Variants in DISC1 observed in about 807,000 individuals in gnomAD.
The protein encoded by DISC1 is disrupted in schizophrenia 1 protein.
In DISC1, 57 loss-of-function variants were observed where a neutral mutation model predicts 84.5. The observed-to-expected ratio is 0.67, with a 90% confidence interval of 0.55 to 0.84. The LOEUF is 0.84. DISC1 is among the 40% of genes least tolerant of loss of function. DISC1 has a pLI of 0.00. For synonymous variants in DISC1, 411 were observed against 415.2 expected (o/e 0.99, Z 0.12); for missense variants, 1,000 against 1,057.8 (o/e 0.95, Z 0.76).
chr1:231,861,179 G>A (rs1427377630), intron 9 of DISC1, among the ~76,000 whole-genome samples: 3 of 152,174 alleles, frequency 2.0e-5, no homozygotes, highest in Non-Finnish European at 2.9e-5. Context: ...CCATCAGGGT[G>A]GGACTGGTTA....
At chr1:231,882,968 A>G (rs2086401999) in intron 9 of DISC1, among the ~76,000 whole-genome samples, 1 of 151,776 alleles carries the variant, frequency 6.6e-6, no homozygotes, top group Non-Finnish European at 1.5e-5. Flanking sequence ...GTTGGAGAGA[A>G]CACAAGCACA....
intron 9 of DISC1, among the ~76,000 whole-genome samples, chr1:231,953,098 C>T (rs1185250501): frequency 6.6e-6 from 1 of 152,152 alleles, no homozygotes; most frequent in Non-Finnish European, 1.5e-5. Flanking sequence ...AATGGTAGAG[C>T]TGCTTCACTG....
intron 1 of DISC1, among the ~76,000 whole-genome samples, chr1:231,632,940 G>T (rs949714402): frequency 3.9e-5 from 6 of 152,114 alleles, no homozygotes; most frequent in African/African-American, 1.2e-4. Context: ...GCATGGTGGC[G>T]TGTGCCTGTA....
At chr1:231,950,407 G>T (rs12137417) in intron 9 of DISC1, among the ~76,000 whole-genome samples, 4 of 151,924 alleles carry the variant, frequency 2.6e-5, no homozygotes. Context: ...AGTTATATGC[G>T]CCAGAAAGCA....
chr1:231,643,276 G>C (rs1307307915), intron 1 of DISC1, among the ~76,000 whole-genome samples: 1 of 152,176 alleles, frequency 6.6e-6, no homozygotes, highest in Non-Finnish European at 1.5e-5. Flanking sequence ...CCCAGCTTCA[G>C]ATATTCCTAT....
chr1:231,847,080 G>A (rs1041873736), intron 9 of DISC1, among the ~76,000 whole-genome samples: 1 of 152,074 alleles, frequency 6.6e-6, no homozygotes, highest in Non-Finnish European at 1.5e-5. Flanking sequence ...TGAGTGGCTT[G>A]GACAACAGAT....
chr1:231,713,766 T>C (rs28794192), intron 3 of DISC1, among the ~76,000 whole-genome samples: 1,489 of 143,828 alleles, frequency 0.01, 40 homozygotes, highest in African/African-American at 0.036. Flanking sequence ...ATATAGGAGA[T>C]ATATATATAG....
intron 1 of DISC1, among the ~76,000 whole-genome samples, chr1:231,692,653 TGTGCCTA>T (rs1398380515): frequency 2.6e-5 from 4 of 152,256 alleles, no homozygotes; most frequent in African/African-American, 4.8e-5. Context: ...TGATTACAGC[TGTGCCTA>T]GTGCTGCCTA....
intron 9 of DISC1, among the ~76,000 whole-genome samples, chr1:231,958,062 A>C (rs928479045): frequency 6.6e-6 from 1 of 152,156 alleles, no homozygotes; most frequent in African/African-American, 2.4e-5. Context: ...TCCAGCCACC[A>C]TTTGCTAGAA....
chr1:231,995,085 A>T (rs904902870), intron 10 of DISC1, among the ~76,000 whole-genome samples: 1 of 152,234 alleles, frequency 6.6e-6, no homozygotes, highest in Non-Finnish European at 1.5e-5. Flanking sequence ...AGTGGAAAAT[A>T]GTATTACTTT....
At chr1:231,988,600 C>G (rs550219761) in intron 10 of DISC1, among the ~76,000 whole-genome samples, 31 of 152,334 alleles carry the variant, frequency 2.0e-4, no homozygotes, top group African/African-American at 7.2e-4. Context: ...AAGGCACCAC[C>G]TGCAAGAAAT....
At chr1:231,985,935 T>C (rs2102892759) in intron 10 of DISC1, among the ~76,000 whole-genome samples, 1 of 152,316 alleles carries the variant, frequency 6.6e-6, no homozygotes. Flanking sequence ...TCTCATAAAA[T>C]GCGTGAAAAT....
chr1:231,722,568 G>A (rs201177890), intron 3 of DISC1: 49 of 1,614,010 alleles, frequency 3.0e-5, no homozygotes, highest in Non-Finnish European at 3.9e-5. Flanking sequence ...ATCCACCATG[G>A]AAGCCTCGAC....
Position 231,879,090 on chromosome 1 carries a change from AT to A in DISC1, c.1981+60586del, listed in dbSNP as rs547628120. ...ATGCTTGGGATCAGGAGTGTTTCCG[AT>A]TTTTTTTTTTTTCAGATTTTGAAAT... is the stretch of plus-strand genomic sequence containing the variant. On this transcript the variant is annotated intron_variant, in intron 9 of 12. Coordinates refer to ENST00000439617, the MANE Select transcript of DISC1 (RefSeq NM_018662.3). 5.9e-3 allele frequency among the ~76,000 whole-genome samples: 812 copies of A among 138,268 alleles called. 5 individuals are homozygous for A. Among genetic ancestry groups the A allele is most frequent in the East Asian group, 0.02 (94 of 4,740 alleles). The allele number at this position is 138,268 out of a possible 152,430, so 90.7% of individuals were successfully genotyped here.
intron 10 of DISC1, among the ~76,000 whole-genome samples, chr1:232,008,406 G>A (rs1465145062): frequency 2.6e-5 from 4 of 152,168 alleles, no homozygotes; most frequent in Non-Finnish European, 5.9e-5. Context: ...GTGTGTTGAT[G>A]GAGAATGGAC....
intron 9 of DISC1, among the ~76,000 whole-genome samples, chr1:231,847,995 GAAGT>G (rs1175373921): frequency 1.3e-5 from 2 of 152,206 alleles, no homozygotes; most frequent in Non-Finnish European, 2.9e-5. Context: ...GGATGTTCCT[GAAGT>G]CCAAGACTTT....
chr1:231,961,843 G>A (rs779504445), intron 10 of DISC1, among the ~76,000 whole-genome samples: 19 of 152,166 alleles, frequency 1.2e-4, no homozygotes, highest in South Asian at 4.2e-4. Context: ...ATGAACATAC[G>A]AGAGCATGTG....
intron 9 of DISC1, among the ~76,000 whole-genome samples, chr1:231,936,462 C>T (rs546401723): frequency 6.6e-6 from 1 of 152,172 alleles, no homozygotes; most frequent in South Asian, 2.1e-4. Flanking sequence ...TCTACCCACA[C>T]CGTGAAAAAT....
chr1:231,731,872 C>T lies in DISC1; in HGVS notation c.1118-18054C>T, dbSNP rs546468886. On this transcript the variant is annotated intron_variant, in intron 3 of 12. Transcript: ENST00000439617. ...GGCACTGTGCAAACCCTGAGCCAGA[C>T]GCTCTGCTCTCAACAGTTACAACAA... Among the ~76,000 whole-genome samples the T allele has an allele frequency of 1.2e-3, 183 of 152,320 alleles. 1 individual carries two copies. Among genetic ancestry groups the T allele is most frequent in the Middle Eastern group, 3.4e-3 (1 of 294 alleles).
Sources: allele counts gnomAD v4.1 joint callset (sites outside exome capture counted in the v4.1 genomes callset), GRCh38; gene constraint gnomAD v4.1.1; transcripts MANE v1.5; gene names NCBI Gene and HGNC (gene_info 2026-07-23, HGNC 2026-07-21).